MGAT4C: variants seen among roughly 807,000 people sequenced by gnomAD.
MGAT4C encodes the protein MGAT4 family member C, also known as alpha-1,3-mannosyl-glycoprotein 4-beta-N-acetylglucosaminyltransferase C.
In MGAT4C, 19 loss-of-function variants were observed where a neutral mutation model predicts 40.1. That is an observed-to-expected ratio of 0.47 (90% CI 0.33 to 0.70). The LOEUF (loss-of-function observed/expected upper bound fraction) is 0.70, where lower values mean the gene tolerates loss of function less well. Ranked by LOEUF, MGAT4C falls within the 30% of genes least tolerant of loss-of-function variation. The pLI is 0.02. For missense variants in MGAT4C, 491 were observed against 563.2 expected, an observed-to-expected ratio of 0.87 and a Z score of 1.30; for synonymous variants, 181 against 187.1, an observed-to-expected ratio of 0.97 and a Z score of 0.27.
chr12:86,801,878 A>G (rs1228743104), intron 1 of MGAT4C, among the ~76,000 whole-genome samples: 1 of 151,922 alleles, frequency 6.6e-6, no homozygotes, highest in East Asian at 1.9e-4. Flanking sequence ...TTTTTATTTT[A>G]TCACCTAATG....
At chr12:86,725,580 C>T (rs539715698) in intron 2 of MGAT4C, among the ~76,000 whole-genome samples, 1 of 152,222 alleles carries the variant, frequency 6.6e-6, no homozygotes, top group East Asian at 1.9e-4. Flanking sequence ...CCTGCCTCAG[C>T]CTCCCGAGTA....
intron 1 of MGAT4C, among the ~76,000 whole-genome samples, chr12:86,163,205 C>G (rs532477051): frequency 1.3e-5 from 2 of 151,988 alleles, no homozygotes; most frequent in Admixed American, 1.3e-4. Flanking sequence ...CATCCTCCCC[C>G]CCTTTTTTTT....
At chr12:86,441,728 T>C in intron 2 of MGAT4C, among the ~76,000 whole-genome samples, 1 of 152,150 alleles carries the variant, frequency 6.6e-6, no homozygotes, top group East Asian at 1.9e-4. Context: ...TGCCACATTT[T>C]CTTAATCTAG....
intron 2 of MGAT4C, among the ~76,000 whole-genome samples, chr12:86,722,490 C>T (rs1003297757): frequency 6.6e-6 from 1 of 152,052 alleles, no homozygotes; most frequent in Non-Finnish European, 1.5e-5. Context: ...TATTGAAATG[C>T]TTTATTTTCC....
intron 4 of MGAT4C, among the ~76,000 whole-genome samples, chr12:86,309,646 G>A (rs532329633): frequency 1.7e-4 from 26 of 152,318 alleles, no homozygotes; most frequent in African/African-American, 6.0e-4. Context: ...GTCCAAACAT[G>A]AATTTTGGGG....
chr12:86,600,689 G>C (rs1162053696), intron 2 of MGAT4C, among the ~76,000 whole-genome samples: 1 of 152,218 alleles, frequency 6.6e-6, no homozygotes, highest in Non-Finnish European at 1.5e-5. Context: ...AGGAAGGCTC[G>C]GCCAGGGCTG....
At chr12:86,086,094 T>A (rs1871775068) in intron 1 of MGAT4C, among the ~76,000 whole-genome samples, 1 of 152,156 alleles carries the variant, frequency 6.6e-6, no homozygotes, top group Non-Finnish European at 1.5e-5. Flanking sequence ...TGTACAAGTA[T>A]GTTTATTGCA....
chr12:86,398,895 A>G (rs1956306131), intron 3 of MGAT4C, among the ~76,000 whole-genome samples: 1 of 152,116 alleles, frequency 6.6e-6, no homozygotes, highest in Non-Finnish European at 1.5e-5. Context: ...AAGAATCTGA[A>G]CAGGCAGGTC....
At chr12:86,510,283 C>G (rs892883073) in intron 2 of MGAT4C, among the ~76,000 whole-genome samples, 2 of 151,880 alleles carry the variant, frequency 1.3e-5, no homozygotes, top group African/African-American at 4.8e-5. Flanking sequence ...GGTTGTCAAG[C>G]AAATGCTGAG....
At chr12:86,573,286 G>A (rs1960438738) in intron 2 of MGAT4C, among the ~76,000 whole-genome samples, 1 of 151,876 alleles carries the variant, frequency 6.6e-6, no homozygotes, top group East Asian at 1.9e-4. Context: ...TTTAAACACA[G>A]AATACAATTA....
At chr12:86,163,521 C>A (rs1389799181) in intron 1 of MGAT4C, among the ~76,000 whole-genome samples, 1 of 152,062 alleles carries the variant, frequency 6.6e-6, no homozygotes, top group East Asian at 1.9e-4. Flanking sequence ...AAAACCAGAC[C>A]TTCTCCATTT....
intron 3 of MGAT4C, among the ~76,000 whole-genome samples, chr12:86,398,995 G>A (rs1221223254): frequency 1.3e-5 from 2 of 151,896 alleles, no homozygotes; most frequent in African/African-American, 4.8e-5. Flanking sequence ...TTTTTGAGAC[G>A]GAGTCTCACT....
At chr12:86,366,221 C>CTGACTTTGTACAT (rs1728175889) in intron 3 of MGAT4C, among the ~76,000 whole-genome samples, 2 of 152,084 alleles carry the variant, frequency 1.3e-5, no homozygotes, top group African/African-American at 4.8e-5. Context: ...AGAAATGTTA[C>CTGACTTTGTACAT]TGATTTTGTA....
At chr12:86,490,066 T>C (rs1171290258) in intron 2 of MGAT4C, among the ~76,000 whole-genome samples, 1 of 151,820 alleles carries the variant, frequency 6.6e-6, no homozygotes, top group Admixed American at 6.6e-5. Context: ...TCAGGAAATA[T>C]AGAGAACGCC....
intron 3 of MGAT4C, among the ~76,000 whole-genome samples, chr12:86,355,174 T>C (rs1463438333): frequency 1.3e-5 from 2 of 152,102 alleles, no homozygotes; most frequent in Admixed American, 1.3e-4. Flanking sequence ...TTACAGAGCA[T>C]TGATTGGCAT....
chr12:86,187,022 C>A (rs777695045), intron 1 of MGAT4C, among the ~76,000 whole-genome samples: 61 of 152,058 alleles, frequency 4.0e-4, no homozygotes, highest in Non-Finnish European at 6.0e-4. Context: ...AAACCAAAAT[C>A]CAGACACATC....
intron 1 of MGAT4C, among the ~76,000 whole-genome samples, chr12:86,817,529 TG>T (rs1410309987): frequency 6.6e-6 from 1 of 151,528 alleles, no homozygotes; most frequent in Non-Finnish European, 1.5e-5. Context: ...TTTTTTTCTA[TG>T]GTTTTAAAAA....
intron 1 of MGAT4C, among the ~76,000 whole-genome samples, chr12:86,205,363 T>C (rs1566142814): frequency 6.6e-6 from 1 of 151,580 alleles, no homozygotes; most frequent in East Asian, 1.9e-4. Flanking sequence ...TCAGTGATTT[T>C]GTCACATTTA....
chr12:86,547,975 G>A (rs1959208260), intron 2 of MGAT4C, among the ~76,000 whole-genome samples: 1 of 152,100 alleles, frequency 6.6e-6, no homozygotes, highest in South Asian at 2.1e-4. Context: ...TGTGAGAAAT[G>A]TATTCCCATT....
Sources: allele counts gnomAD v4.1 joint callset (sites outside exome capture counted in the v4.1 genomes callset), GRCh38; gene constraint gnomAD v4.1.1; transcripts MANE v1.5; gene names NCBI Gene and HGNC (gene_info 2026-07-23, HGNC 2026-07-21).